Variants in KIFC3 observed in about 807,000 individuals in gnomAD.
KIFC3 encodes kinesin family member C3, also known as kinesin-like protein KIFC3.
A neutral mutation model predicts 101.8 loss-of-function variants in KIFC3; 60 were observed. The observed-to-expected ratio is 0.59, with a 90% CI of 0.48 to 0.73. KIFC3 has a LOEUF of 0.73. Among genes scored for constraint, KIFC3 ranks in the 30% least tolerant of loss-of-function variants. The pLI is 0.00. For synonymous variants in KIFC3, 476 were observed against 482.7 expected (o/e 0.99, Z 0.18); for missense variants, 966 against 1,137.1 (o/e 0.85, Z 2.16).
chr16:57,828,766 A>G (rs1370327525), intron 1 of KIFC3, among the ~76,000 whole-genome samples: 1 of 152,144 alleles, frequency 6.6e-6, no homozygotes, highest in African/African-American at 2.4e-5. Context: ...CACTCCCTAC[A>G]GGAGGCACTC....
At chr16:57,772,200 C>T in intron 4 of KIFC3, 23 bp downstream of exon 4, 1 of 1,609,846 alleles carries the variant, frequency 6.2e-7, no homozygotes, top group East Asian at 2.2e-5. Context: ...CTGCGCTACC[C>T]CAGGACAGCC....
intron 1 of KIFC3, among the ~76,000 whole-genome samples, chr16:57,862,223 G>C (rs1959333658): frequency 6.8e-6 from 1 of 147,948 alleles, no homozygotes; most frequent in Non-Finnish European, 1.5e-5. Context: ...GTACAGACAG[G>C]GTCTTTCCCA....
In KIFC3 at chr16:57,815,699, G is replaced by A. The variant is rs534308038; in HGVS notation, c.109-17417C>T. ...ACTCCACTCGGGGCCTGGGAGAAGG[G>A]GAGCAAATATCTGTCTACTCCCTCA... On this transcript the variant is annotated intron_variant, in intron 1 of 2. Transcript: ENST00000563028. 1.7e-4 allele frequency: 210 copies of A among 1,255,942 alleles called. No homozygotes were observed. The African/African-American group carries it at 2.8e-3, about 17-fold the overall frequency. 77.8% of individuals were successfully genotyped at this position (1,255,942 alleles called of 1,614,324 possible).
intron 1 of KIFC3, among the ~76,000 whole-genome samples, chr16:57,816,039 C>A (rs1164325043): frequency 6.6e-6 from 1 of 152,226 alleles, no homozygotes; most frequent in African/African-American, 2.4e-5. Context: ...CCTCCTGAGG[C>A]CTCCTTGGTC....
In KIFC3 at chr16:57,769,890, C is replaced by A; in HGVS notation, c.1005G>T (p.Leu335=). The A allele has an allele frequency of 6.8e-6, 11 of 1,613,976 alleles. No individual in the cohort carries two copies. Among genetic ancestry groups the A allele is most frequent in the Non-Finnish European group, 9.3e-6 (11 of 1,180,038 alleles). ...CAATGGCCCGGTTCTTGTCCTCTTC[C>A]AGGGACTGCATCTCCTCCAGCATCT... ...HGQMLEEMQS[L]EEDKNRAIEE... The change falls in exon 8 of 20, where the codon CTG becomes CTT. Residue 335 remains leucine, a synonymous_variant. Transcript: ENST00000445690. The surrounding 1 kb of genome is among the most constrained non-coding windows in gnomAD (Gnocchi z 4.3).
At chr16:57,807,217 A>T (rs1187982998), upstream of KIFC3, among the ~76,000 whole-genome samples, 1 of 149,308 alleles carries the variant, frequency 6.7e-6, no homozygotes, top group African/African-American at 2.5e-5. Context: ...ACTTTGTCTA[A>T]AAAAAGAAAA....
chr16:57,768,509 T>A (rs868930674), intron 9 of KIFC3, among the ~76,000 whole-genome samples: 50 of 139,128 alleles, frequency 3.6e-4, no homozygotes, highest in Middle Eastern at 3.6e-3. Context: ...CCATATATTC[T>A]CACACACACA....
chr16:57,768,154 A>G (rs1372649321), intron 9 of KIFC3, among the ~76,000 whole-genome samples: 1 of 152,130 alleles, frequency 6.6e-6, no homozygotes, highest in East Asian at 1.9e-4. Context: ...GGTGAAGCCC[A>G]GCCTCTATTA....
intron 2 of KIFC3, among the ~76,000 whole-genome samples, chr16:57,797,504 A>T (rs1016079225): frequency 1.3e-5 from 2 of 152,182 alleles, no homozygotes; most frequent in East Asian, 3.9e-4. Context: ...CGGGGGGTAC[A>T]GTGGGGGCCA....
rs536492525 is a variant in KIFC3 at position 57,782,714 on chromosome 16, C to T, written c.316-10426G>A. ...ATCCCAGCACCTTGGGAGGCTGAGG[C>T]GGGTGGATCACCTGAGGTCAGGAGG... On this transcript the variant is annotated intron_variant, in intron 3 of 19. Coordinates refer to ENST00000445690, the MANE Select transcript of KIFC3 (RefSeq NM_001130100.2). Among the ~76,000 whole-genome samples the T allele has an allele frequency of 5.9e-5, 9 of 152,296 alleles. No homozygotes were observed. The East Asian group carries it at 1.7e-3, about 29-fold the overall frequency.
At chr16:57,764,275 T>TGGGGGGGGGGGTGGGGGGG in intron 11 of KIFC3, 28 bp from the exon 12 acceptor site, 8 of 539,910 alleles carry the variant, frequency 1.5e-5, no homozygotes, top group East Asian at 4.6e-5. Flanking sequence ...GGGAGGCTGG[T>TGGGGGGGGGGGTGGGGGGG]GGGGGGGCTT....
At chr16:57,793,481 T>A (rs1281516025) in intron 3 of KIFC3, among the ~76,000 whole-genome samples, 1 of 151,222 alleles carries the variant, frequency 6.6e-6, no homozygotes, top group African/African-American at 2.4e-5. Flanking sequence ...TAATCCCAGC[T>A]ACTTGGGAGG....
chr16:57,816,387 A>T (rs1021015004), intron 1 of KIFC3: 3 of 645,128 alleles, frequency 4.7e-6, no homozygotes, highest in Admixed American at 4.7e-5. Context: ...GCCTCAGAAG[A>T]CCCGCCTTTG....
At chr16:57,824,095 G>T (rs1555630387) in intron 1 of KIFC3, among the ~76,000 whole-genome samples, 1 of 152,234 alleles carries the variant, frequency 6.6e-6, no homozygotes, top group African/African-American at 2.4e-5. Context: ...CAACCGTCCA[G>T]GTTTGCCTGG....
chr16:57,834,157 C>A (rs551028343), intron 1 of KIFC3, among the ~76,000 whole-genome samples: 87 of 151,978 alleles, frequency 5.7e-4, no homozygotes, highest in African/African-American at 2.0e-3. Flanking sequence ...CACCGCGCCC[C>A]GGGAATGCAT....
rs140197976 is a variant in KIFC3, at chr16:57,765,548, C to T, written c.1423G>A (p.Asp475Asn). ...TGCAGCAGGTGGATGATGGAGTCGT[C>T]GTCGGCATCGAAAGTCACAGCATTG... Reference protein sequence around the residue: ...ATNAVTFDADDDSIIHLLHKG... With the variant: ...ATNAVTFDADNDSIIHLLHKG... The change falls in exon 11 of 20, where the codon GAC becomes AAC. Residue 475 changes from aspartate (D) to asparagine (N), a missense_variant. This residue lies in a region of KIFC3 where 689 missense variants were observed against 884.6 expected (regional missense o/e 0.78). Coordinates refer to ENST00000445690, the MANE Select transcript of KIFC3 (RefSeq NM_001130100.2). 10 of 1,602,908 alleles carry T rather than the reference C, an allele frequency of 6.2e-6. No individual in the cohort carries two copies. The highest frequency in any genetic ancestry group is 4.0e-5 in the African/African-American group (3 of 74,914).
intron 1 of KIFC3, among the ~76,000 whole-genome samples, chr16:57,853,777 G>C: frequency 6.6e-6 from 1 of 152,064 alleles, no homozygotes; most frequent in East Asian, 1.9e-4. Flanking sequence ...GATTACAGGC[G>C]TGCGCCACCA....
Position 57,769,656 on chromosome 16 carries a change from T to C in KIFC3, c.1157A>G (p.Lys386Arg), listed in dbSNP as rs369486369. 9.9e-6 allele frequency: 16 copies of C among 1,611,816 alleles called. No individual in the cohort carries two copies. The highest frequency in any genetic ancestry group is 1.3e-5 in the Non-Finnish European group (15 of 1,180,030). ...RTLTNDYNGLKRQVRGFPLLL... is the reference protein window; with the variant it reads ...RTLTNDYNGLRRQVRGFPLLL... ...CAGTGGGAAGCCGCGCACCTGCCGCTTGAGCCCATTGTAGTCGTTGGTGAG... is the reference window on the plus strand; with the variant it reads ...CAGTGGGAAGCCGCGCACCTGCCGCCTGAGCCCATTGTAGTCGTTGGTGAG... Residue 386 changes from lysine (K) to arginine (R), a missense_variant, in exon 9 of 20, where the codon AAG becomes AGG. Physicochemically the swap from Lys to Arg is conservative, Grantham distance 26 (BLOSUM62 2). Around this residue, in one of 2 missense-constraint regions of KIFC3, gnomAD observed 689 missense variants for 884.6 expected, o/e 0.78. Coordinates refer to ENST00000445690, the MANE Select transcript of KIFC3 (RefSeq NM_001130100.2). The surrounding 1 kb of genome is among the most constrained non-coding windows in gnomAD (Gnocchi z 4.3).
At position 57,798,282 on chromosome 16, in the gene KIFC3, C is replaced by T. The variant is rs1555624177; in HGVS notation, c.-39G>A. On this transcript the variant is annotated splice_region_variant and 5_prime_UTR_variant, in exon 2 of 20. Transcript: ENST00000445690. ...GCAGCCTCCTCGGGGCACCAGGCAGCCTGCGGAGAGAACAAGGGGAGATAA... is the reference window on the plus strand; with the variant it reads ...GCAGCCTCCTCGGGGCACCAGGCAGTCTGCGGAGAGAACAAGGGGAGATAA... The T allele has an allele frequency of 6.5e-7, 1 of 1,547,928 alleles. No individual in the cohort carries two copies. The highest frequency in any genetic ancestry group is 2.4e-5 in the East Asian group (1 of 41,264).
Sources: allele counts gnomAD v4.1 joint callset (sites outside exome capture counted in the v4.1 genomes callset), GRCh38; gene constraint gnomAD v4.1.1; regional missense constraint gnomAD v4.1.1; non-coding constraint Gnocchi (gnomAD v3.1); transcripts MANE v1.5; gene names NCBI Gene and HGNC (gene_info 2026-07-23, HGNC 2026-07-21).